MCM9: variants seen among roughly 807,000 people sequenced by gnomAD.
MCM9 encodes minichromosome maintenance 9 homologous recombination repair factor.
In MCM9, 55 loss-of-function variants were observed where a neutral mutation model predicts 72.8. The observed-to-expected ratio is 0.76, with a 90% CI of 0.61 to 0.95. The LOEUF (loss-of-function observed/expected upper bound fraction) is 0.95, where lower values mean the gene tolerates loss of function less well. Ranked by LOEUF, MCM9 falls within the 40% of genes least tolerant of loss-of-function variation. The probability of loss-of-function intolerance (pLI) is 0.00; values close to 1 mark genes in which losing one functional copy is unlikely to be tolerated. For synonymous variants in MCM9, 480 were observed against 503.4 expected (o/e 0.95, Z 0.62); for missense variants, 1,279 against 1,377.0 (o/e 0.93, Z 1.13).
intron 9 of MCM9, among the ~76,000 whole-genome samples, chr6:118,830,528 G>A (rs865927860): frequency 6.6e-6 from 1 of 152,198 alleles, no homozygotes; most frequent in Admixed American, 6.5e-5. Flanking sequence ...AATGGCTTTT[G>A]TAAAGACAGT....
chr6:118,827,516 T>C (rs1462030988), intron 11 of MCM9, among the ~76,000 whole-genome samples: 1 of 152,200 alleles, frequency 6.6e-6, no homozygotes, highest in African/African-American at 2.4e-5. Flanking sequence ...AGTTGGTTGC[T>C]ATAATGACAG....
At chr6:118,883,362 AAT>A (rs1266836494) in intron 8 of MCM9, among the ~76,000 whole-genome samples, 1 of 151,648 alleles carries the variant, frequency 6.6e-6, no homozygotes, top group Non-Finnish European at 1.5e-5. Context: ...TAATCAGAAT[AAT>A]ATATATATAT....
At position 118,820,833 on chromosome 6, in the gene MCM9, T is replaced by C. The variant is rs184028931; in HGVS notation, c.1962-4539A>G. Among the ~76,000 whole-genome samples, 1,305 of 152,316 alleles carry C rather than the reference T, an allele frequency of 8.6e-3. 20 individuals are homozygous for C. The highest frequency in any genetic ancestry group is 0.03 in the African/African-American group (1,228 of 41,552). On this transcript the variant is annotated intron_variant, in intron 13 of 13. Coordinates refer to ENST00000619706, the MANE Select transcript of MCM9 (RefSeq NM_017696.3). ...GTATTGGGTGCATATATATTTAGGATAGTTAGCTCTTCTTGTTGCATTGAT... is the reference window on the plus strand; with the variant it reads ...GTATTGGGTGCATATATATTTAGGACAGTTAGCTCTTCTTGTTGCATTGAT...
intron 8 of MCM9, among the ~76,000 whole-genome samples, chr6:118,889,359 G>A (rs1778803532): frequency 6.6e-6 from 1 of 152,176 alleles, no homozygotes; most frequent in Non-Finnish European, 1.5e-5. Flanking sequence ...TCCATCTAAT[G>A]TCATTTGTCT....
Position 118,816,122 on chromosome 6 carries a change from G to A in MCM9, c.2134C>T (p.Pro712Ser). ...AGATGCGGTGGGGGATCTAGAACTG[G>A]GCTTCCCTCGGGGCTGCCTCCAGGA... ...FSPGGSPEGSPVLDPPPHLEP... is the reference protein window; with the variant it reads ...FSPGGSPEGSSVLDPPPHLEP... The change falls in exon 14 of 14, where the codon CCA becomes TCA. Residue 712 changes from proline to serine, a missense_variant. By Grantham distance (74) the Pro-to-Ser change is moderately conservative. Transcript: ENST00000619706. The A allele has an allele frequency of 6.5e-7, 1 of 1,550,314 alleles. No homozygotes were observed. Among genetic ancestry groups the A allele is most frequent in the Non-Finnish European group, 8.7e-7 (1 of 1,146,886 alleles).
At chr6:118,816,573 A>G (rs1449622141) in intron 13 of MCM9, among the ~76,000 whole-genome samples, 4 of 152,172 alleles carry the variant, frequency 2.6e-5, no homozygotes, top group East Asian at 3.8e-4. Context: ...GATCTCTCCA[A>G]AAGTCCAATT....
intron 8 of MCM9, 105 bp downstream of exon 8, chr6:118,911,545 A>G: frequency 7.7e-6 from 11 of 1,420,820 alleles, no homozygotes; most frequent in Non-Finnish European, 1.0e-5. Flanking sequence ...TAACTCAAAA[A>G]TTAGCTTGAA....
chr6:118,895,119 A>G (rs1779287213), intron 8 of MCM9, among the ~76,000 whole-genome samples: 1 of 151,840 alleles, frequency 6.6e-6, no homozygotes, highest in African/African-American at 2.4e-5. Context: ...CGGGGAGGAG[A>G]GCGAGGCTGT....
intron 1 of MCM9, among the ~76,000 whole-genome samples, chr6:118,933,483 G>A: frequency 6.7e-6 from 1 of 149,190 alleles, no homozygotes. Flanking sequence ...TCCAGCCCGG[G>A]CACAGAGCGA....
intron 3 of MCM9, among the ~76,000 whole-genome samples, chr6:118,931,067 C>T (rs1027559003): frequency 6.6e-6 from 1 of 152,204 alleles, no homozygotes; most frequent in Non-Finnish European, 1.5e-5. Flanking sequence ...GATCCCTGGA[C>T]AAGATCTATC....
intron 9 of MCM9, among the ~76,000 whole-genome samples, chr6:118,840,155 T>A (rs1407732101): frequency 7.6e-6 from 1 of 132,356 alleles, no homozygotes; most frequent in Non-Finnish European, 1.6e-5. Context: ...CTGTAGATGG[T>A]AGATTTTTAT....
intron 9 of MCM9, among the ~76,000 whole-genome samples, chr6:118,837,691 T>A (rs1156857405): frequency 2.6e-5 from 4 of 152,198 alleles, no homozygotes. Flanking sequence ...CCCCTGCTTT[T>A]TTTTGCTTTC....
rs190245162 is a variant in MCM9 at position 118,885,685 on chromosome 6, C to A, written c.1150+25965G>T. ...TATTAGTAATAATAGTTTTTAAAAC[C>A]ACCCATAAAGAAAAACAACACAGAT... On this transcript the variant is annotated intron_variant, in intron 8 of 13. Transcript: ENST00000619706. Among the ~76,000 whole-genome samples the A allele has an allele frequency of 3.3e-5, 5 of 152,050 alleles. 1 individual carries two copies. The East Asian group carries it at 9.7e-4, about 29-fold the overall frequency.
At chr6:118,877,174 T>A (rs1297945456) in intron 8 of MCM9, among the ~76,000 whole-genome samples, 3 of 152,194 alleles carry the variant, frequency 2.0e-5, no homozygotes, top group Non-Finnish European at 4.4e-5. Context: ...AGCACCAATG[T>A]GCCAAGCATA....
At chr6:118,846,749 A>T (rs1415741857) in intron 9 of MCM9, among the ~76,000 whole-genome samples, 1 of 151,820 alleles carries the variant, frequency 6.6e-6, no homozygotes, top group East Asian at 1.9e-4. Flanking sequence ...TATTAAGTAA[A>T]ATGCACTTAA....
chr6:118,838,277 C>T (rs1426961434), intron 9 of MCM9, among the ~76,000 whole-genome samples: 1 of 151,740 alleles, frequency 6.6e-6, no homozygotes, highest in African/African-American at 2.4e-5. Flanking sequence ...ATTCTCCTGA[C>T]TCAGCCTCCT....
In MCM9 at chr6:118,913,361, G is replaced by C. The variant is rs761830355; in HGVS notation, c.964C>G (p.Leu322Val). 6.2e-7 allele frequency: 1 copy of C among 1,614,050 alleles called. No homozygotes were observed. The highest frequency in any genetic ancestry group is 1.1e-5 in the South Asian group (1 of 91,074). ...PQVFGMYLVKLAVAMVLAGGI... is the reference protein window; with the variant it reads ...PQVFGMYLVKVAVAMVLAGGI... ...CCAGCCAGCACCATGGCCACAGCAA[G>C]CTTTACTAGATACATTCCAAACACT... The change falls in exon 7 of 14, where the codon CTT (leucine) becomes GTT (valine). Residue 322 changes from leucine to valine, a missense_variant. Physicochemically the swap from Leu to Val is conservative, Grantham distance 32. Transcript: ENST00000619706.
At chr6:118,900,480 C>T (rs1779735208) in intron 8 of MCM9, among the ~76,000 whole-genome samples, 2 of 152,128 alleles carry the variant, frequency 1.3e-5, no homozygotes, top group Admixed American at 1.3e-4. Context: ...TTTATGAATC[C>T]TCAAGACAAG....
chr6:118,855,084 C>T (rs979470271), intron 9 of MCM9, among the ~76,000 whole-genome samples: 1 of 152,120 alleles, frequency 6.6e-6, no homozygotes, highest in Non-Finnish European at 1.5e-5. Flanking sequence ...ACTGCCTGGC[C>T]TTTTGGTGCA....
Sources: allele counts gnomAD v4.1 joint callset (sites outside exome capture counted in the v4.1 genomes callset), GRCh38; gene constraint gnomAD v4.1.1; transcripts MANE v1.5; gene names NCBI Gene and HGNC (gene_info 2026-07-23, HGNC 2026-07-21).